HNF4G: variants seen among roughly 807,000 people sequenced by gnomAD.
HNF4G encodes hepatocyte nuclear factor 4-gamma.
HNF4G carries 21 observed loss-of-function variants against 50.9 expected under a neutral mutation model. That is an observed-to-expected ratio of 0.41 (90% CI 0.29 to 0.59). The LOEUF (loss-of-function observed/expected upper bound fraction) is 0.59. Ranked by LOEUF, HNF4G falls within the 20% of genes least tolerant of loss-of-function variation. HNF4G has a pLI of 0.26. For synonymous variants in HNF4G, 198 were observed against 185.6 expected (o/e 1.07, Z -0.54); for missense variants, 527 against 559.4 (o/e 0.94, Z 0.58).
Position 75,408,674 on chromosome 8 carries a change from A to G in HNF4G, c.-144+512A>G, listed in dbSNP as rs1482472859. Among the ~76,000 whole-genome samples the G allele has an allele frequency of 3.9e-5, 6 of 152,250 alleles. No homozygotes were observed. The East Asian group carries it at 1.2e-3, about 29-fold the overall frequency. ...TCTAACTGAAATAAGCCAGCACGTG[A>G]TAAGATCTTAGAATGGAATGAATAT... is the stretch of plus-strand genomic sequence containing the variant. On this transcript the variant is annotated intron_variant, in intron 1 of 10. Transcript: ENST00000354370.
At chr8:75,438,176 A>G (rs1297535214) in intron 1 of HNF4G, among the ~76,000 whole-genome samples, 3 of 152,218 alleles carry the variant, frequency 2.0e-5, no homozygotes, top group Non-Finnish European at 4.4e-5. Context: ...TGATGCATAT[A>G]CATAAACATA....
intron 2 of HNF4G, among the ~76,000 whole-genome samples, chr8:75,511,285 A>C (rs1001281606): frequency 1.3e-5 from 2 of 152,326 alleles, no homozygotes; most frequent in East Asian, 3.9e-4. Flanking sequence ...GTCTAGGCAT[A>C]GCTCTATTTT....
chr8:75,481,242 T>G (rs191150787), intron 1 of HNF4G, among the ~76,000 whole-genome samples: 40 of 152,310 alleles, frequency 2.6e-4, no homozygotes, highest in African/African-American at 8.9e-4. Context: ...TTTAACACTT[T>G]ATGAGCCATT....
chr8:75,539,439 T>A (rs1806551192), upstream of HNF4G, among the ~76,000 whole-genome samples: 1 of 152,212 alleles, frequency 6.6e-6, no homozygotes, highest in African/African-American at 2.4e-5. Context: ...GTAGCTTTAT[T>A]GTACATTTAA....
intron 1 of HNF4G, among the ~76,000 whole-genome samples, chr8:75,455,006 A>G (rs1028945403): frequency 1.3e-5 from 2 of 152,190 alleles, no homozygotes; most frequent in Non-Finnish European, 2.9e-5. Context: ...CCATTCATAT[A>G]TAAAAATTAA....
intron 2 of HNF4G, among the ~76,000 whole-genome samples, chr8:75,523,624 G>A (rs1474019974): frequency 1.6e-4 from 24 of 152,030 alleles, no homozygotes; most frequent in Non-Finnish European, 1.5e-5. Context: ...ATGTGTAATA[G>A]TGCTATCTAA....
At chr8:75,458,369 C>CTTTT (rs61411885) in intron 1 of HNF4G, among the ~76,000 whole-genome samples, 1 of 117,092 alleles carries the variant, frequency 8.5e-6, no homozygotes, top group Non-Finnish European at 1.8e-5. Flanking sequence ...AATGGTCTAA[C>CTTTT]TTTTTTTTTT....
intron 1 of HNF4G, among the ~76,000 whole-genome samples, chr8:75,463,020 G>A (rs1475944217): frequency 6.8e-6 from 1 of 147,470 alleles, no homozygotes; most frequent in African/African-American, 2.5e-5. Context: ...TGCTCAATGT[G>A]CTCTTTTTGT....
rs1807407783 is a variant in HNF4G at position 75,564,583 on chromosome 8, T to C, written c.*487T>C. ...CAGTTGCTGTAGAATAGGCTGTATC[T>C]TTTTCAAGAAGAATCTCTTATGGAC... On this transcript the variant is annotated 3_prime_UTR_variant, in exon 10 of 10. Transcript: ENST00000396423. The C allele has an allele frequency of 6.6e-6, 1 of 152,448 alleles. No homozygotes were observed. The highest frequency in any genetic ancestry group is 2.4e-5 in the African/African-American group (1 of 41,456). 9.4% of individuals were successfully genotyped at this position (152,448 alleles called of 1,614,324 possible).
chr8:75,480,163 A>G (rs1812342734), intron 1 of HNF4G, among the ~76,000 whole-genome samples: 1 of 152,252 alleles, frequency 6.6e-6, no homozygotes, highest in Non-Finnish European at 1.5e-5. Flanking sequence ...AAGTTCCTCA[A>G]GAATTAATAA....
At chr8:75,532,115 T>C (rs897891005) in intron 2 of HNF4G, among the ~76,000 whole-genome samples, 1 of 152,058 alleles carries the variant, frequency 6.6e-6, no homozygotes, top group Admixed American at 6.6e-5. Context: ...CTCTACCTCA[T>C]CAAAAATAAA....
chr8:75,434,561 A>T lies in HNF4G; in HGVS notation c.-144+26399A>T, dbSNP rs557708422. Among the ~76,000 whole-genome samples, 4 of 152,286 alleles carry T rather than the reference A, an allele frequency of 2.6e-5. No homozygotes were observed. In the South Asian group the frequency reaches 8.3e-4, roughly 32 times the overall value. The stretch of plus-strand genomic sequence containing the variant: ...AAGGAAAGAAGTCACAATGATAAAA[A>T]TGTAATAAACAAGGAAACAATAATA... On this transcript the variant is annotated intron_variant, in intron 1 of 10. Transcript: ENST00000354370.
intron 1 of HNF4G, among the ~76,000 whole-genome samples, chr8:75,425,607 T>TTA (rs1257327538): frequency 6.7e-5 from 10 of 148,214 alleles, no homozygotes; most frequent in Non-Finnish European, 7.4e-5. Context: ...TATATATTTT[T>TTA]TATATATATA....
intron 4 of HNF4G, among the ~76,000 whole-genome samples, chr8:75,552,676 A>C (rs1806992939): frequency 6.6e-6 from 1 of 152,180 alleles, no homozygotes; most frequent in African/African-American, 2.4e-5. Flanking sequence ...AAATAAAATC[A>C]AAGAGCATAT....
chr8:75,524,953 T>C (rs915264029), intron 2 of HNF4G, among the ~76,000 whole-genome samples: 1 of 152,176 alleles, frequency 6.6e-6, no homozygotes. Flanking sequence ...AGTGTGTGTA[T>C]ATTAAAACTT....
intron 1 of HNF4G, among the ~76,000 whole-genome samples, chr8:75,467,606 G>A (rs1812016287): frequency 6.6e-6 from 1 of 151,726 alleles, no homozygotes. Flanking sequence ...GTTGCAGTGA[G>A]TGGAGATCGT....
chr8:75,437,104 A>G (rs540098503), intron 1 of HNF4G, among the ~76,000 whole-genome samples: 11 of 152,214 alleles, frequency 7.2e-5, no homozygotes, highest in Non-Finnish European at 1.5e-4. Context: ...AAAGACTGCA[A>G]TGGCATTCCA....
At chr8:75,544,591 C>A (rs1452335570) in intron 2 of HNF4G, among the ~76,000 whole-genome samples, 1 of 150,750 alleles carries the variant, frequency 6.6e-6, no homozygotes, top group Non-Finnish European at 1.5e-5. Flanking sequence ...AATGTTTTGT[C>A]AGAAGCTTAT....
intron 1 of HNF4G, among the ~76,000 whole-genome samples, chr8:75,489,270 C>T (rs1217182973): frequency 6.6e-6 from 1 of 152,168 alleles, no homozygotes; most frequent in South Asian, 2.1e-4. Context: ...AGTTCTTTAT[C>T]TCAATGGTTT....
Sources: gnomAD v4.1 joint callset for allele counts (sites outside exome capture counted in the v4.1 genomes callset) on GRCh38, gnomAD v4.1.1 for gene constraint, MANE v1.5 for transcripts, NCBI Gene and HGNC (gene_info 2026-07-23, HGNC 2026-07-21) for gene names.